PDE8A: variants seen among roughly 807,000 people sequenced by gnomAD.
PDE8A encodes the protein high affinity cAMP-specific and IBMX-insensitive 3',5'-cyclic phosphodiesterase 8A.
A neutral mutation model predicts 105.0 loss-of-function variants in PDE8A; 59 were observed. The observed-to-expected ratio is 0.56, with a 90% CI of 0.46 to 0.70. The LOEUF is 0.70. PDE8A is among the 30% of genes least tolerant of loss of function. PDE8A has a pLI of 0.00. For synonymous variants in PDE8A, 355 were observed against 371.9 expected (o/e 0.95, Z 0.52); for missense variants, 1,014 against 1,045.9 (o/e 0.97, Z 0.42).
intron 3 of PDE8A, among the ~76,000 whole-genome samples, chr15:85,072,281 T>C (rs1309519776): frequency 1.3e-5 from 2 of 152,224 alleles, no homozygotes; most frequent in Non-Finnish European, 1.5e-5. Context: ...TATGTTCTTA[T>C]AGTGAGCCTC....
At chr15:85,109,332 A>G (rs1387391065) in intron 12 of PDE8A, among the ~76,000 whole-genome samples, 1 of 152,242 alleles carries the variant, frequency 6.6e-6, no homozygotes, top group Non-Finnish European at 1.5e-5. Context: ...TGGAATCAGA[A>G]AATAAAGAAA....
At chr15:85,045,988 GA>G (rs926068667) in intron 1 of PDE8A, among the ~76,000 whole-genome samples, 40 of 150,992 alleles carry the variant, frequency 2.6e-4, no homozygotes, top group Admixed American at 1.4e-3. Context: ...AAGGATGAAG[GA>G]AAAAAAGAGA....
intron 1 of PDE8A, among the ~76,000 whole-genome samples, chr15:85,042,161 GTTTGTTTTTTGTTTT>G (rs1234879250): frequency 1.3e-5 from 2 of 151,930 alleles, no homozygotes; most frequent in Non-Finnish European, 2.9e-5. Context: ...AGACTCAGAG[GTTTGTTTTTTGTTTT>G]TTTGTTTTTT....
intron 1 of PDE8A, among the ~76,000 whole-genome samples, chr15:85,024,142 G>A (rs371390497): frequency 6.6e-5 from 10 of 152,050 alleles, no homozygotes; most frequent in Non-Finnish European, 1.0e-4. Flanking sequence ...CACCTCTTCC[G>A]GGAAATCTTT....
intron 6 of PDE8A, among the ~76,000 whole-genome samples, chr15:85,086,490 A>G (rs1390272518): frequency 2.0e-5 from 3 of 152,254 alleles, no homozygotes; most frequent in African/African-American, 7.2e-5. Flanking sequence ...TCAATTGAAA[A>G]ATGATCAATT....
At chr15:85,075,469 G>C (rs1386147248) in intron 3 of PDE8A, among the ~76,000 whole-genome samples, 1 of 152,168 alleles carries the variant, frequency 6.6e-6, no homozygotes, top group Non-Finnish European at 1.5e-5. Context: ...TGTAAGCATA[G>C]CCATCATCTT....
chr15:85,101,336 G>C (rs553810250), intron 11 of PDE8A, among the ~76,000 whole-genome samples: 2 of 152,296 alleles, frequency 1.3e-5, no homozygotes, highest in African/African-American at 4.8e-5. Flanking sequence ...AAAGGGCAGT[G>C]GGTAGTCTTC....
intron 1 of PDE8A, among the ~76,000 whole-genome samples, chr15:85,052,555 G>A (rs1346465440): frequency 6.6e-6 from 1 of 152,126 alleles, no homozygotes; most frequent in Middle Eastern, 3.2e-3. Flanking sequence ...GTTTTGATTT[G>A]CATTTCTCTG....
chr15:85,066,676 C>T (rs373029050), intron 2 of PDE8A, among the ~76,000 whole-genome samples: 1 of 151,500 alleles, frequency 6.6e-6, no homozygotes, highest in Non-Finnish European at 1.5e-5. Context: ...CGGTGGCTCA[C>T]GCCTGTAATC....
At chr15:85,115,634 C>T in intron 15 of PDE8A, 147 bp downstream of exon 15, 2 of 568,094 alleles carry the variant, frequency 3.5e-6, no homozygotes, top group African/African-American at 1.9e-5. Context: ...TGAGGCGGTA[C>T]TGTCCTCCCT....
chr15:85,037,007 A>G (rs2080718034), intron 1 of PDE8A, among the ~76,000 whole-genome samples: 1 of 151,822 alleles, frequency 6.6e-6, no homozygotes, highest in African/African-American at 2.4e-5. Context: ...TGGTCCTGCT[A>G]TTAGAGAGAG....
chr15:85,059,597 T>G (rs1305357556), intron 1 of PDE8A, among the ~76,000 whole-genome samples: 1 of 152,234 alleles, frequency 6.6e-6, no homozygotes, highest in Non-Finnish European at 1.5e-5. Flanking sequence ...CTTATAGCCT[T>G]TTTTGGTTTA....
At chr15:85,119,520 G>A (rs532535790) in intron 17 of PDE8A, among the ~76,000 whole-genome samples, 47 of 137,656 alleles carry the variant, frequency 3.4e-4, no homozygotes, top group Non-Finnish European at 5.5e-4. Context: ...TACTATTTGC[G>A]CACTTAAAAT....
intron 8 of PDE8A, among the ~76,000 whole-genome samples, chr15:85,094,444 G>A (rs1258653471): frequency 1.3e-5 from 2 of 152,120 alleles, no homozygotes; most frequent in Non-Finnish European, 2.9e-5. Context: ...ATGTTCCTTT[G>A]TTGTTGAAGT....
In PDE8A at chr15:85,126,234, A is replaced by C. The variant is rs2082256489; in HGVS notation, c.2113A>C (p.Asn705His). ...GETDKNQEVI[N>H]TMLRTPENRT... ...AACTGATAAAAACCAGGAAGTGATA[A>C]ACACTATGCTTAGGACTCCAGAGAA... Residue 705 changes from asparagine (N) to histidine (H), a missense_variant, in exon 20 of 22, where the codon AAC (asparagine) becomes CAC (histidine). Transcript: ENST00000394553. The C allele has an allele frequency of 1.2e-6, 2 of 1,607,986 alleles. No individual in the cohort carries two copies. Among genetic ancestry groups the C allele is most frequent in the African/African-American group, 2.7e-5 (2 of 74,518 alleles).
intron 1 of PDE8A, among the ~76,000 whole-genome samples, chr15:85,007,802 G>A (rs565079929): frequency 8.5e-5 from 13 of 152,084 alleles, no homozygotes; most frequent in Non-Finnish European, 1.9e-4. Flanking sequence ...TATTATAAAT[G>A]CGAATATGTA....
chr15:85,086,804 G>T (rs963997802), intron 6 of PDE8A, among the ~76,000 whole-genome samples: 5 of 151,984 alleles, frequency 3.3e-5, no homozygotes, highest in African/African-American at 1.2e-4. Context: ...AGGCTGGAGT[G>T]CAGTGGCATG....
chr15:85,080,455 T>G (rs2081446610), intron 5 of PDE8A, among the ~76,000 whole-genome samples: 1 of 152,198 alleles, frequency 6.6e-6, no homozygotes, highest in Admixed American at 6.5e-5. Flanking sequence ...AACAAGAACC[T>G]TAGAAGCTTC....
intron 19 of PDE8A, among the ~76,000 whole-genome samples, chr15:85,123,691 C>G (rs2082217423): frequency 6.6e-6 from 1 of 152,212 alleles, no homozygotes; most frequent in Admixed American, 6.5e-5. Context: ...TTTGGCAACA[C>G]TCTCACAGAA....
Sources: allele counts gnomAD v4.1 joint callset (sites outside exome capture counted in the v4.1 genomes callset), GRCh38; gene constraint gnomAD v4.1.1; transcripts MANE v1.5; gene names NCBI Gene and HGNC (gene_info 2026-07-23, HGNC 2026-07-21).